PIK3CB: variants seen among roughly 807,000 people sequenced by gnomAD.
PIK3CB encodes phosphatidylinositol 4,5-bisphosphate 3-kinase catalytic subunit beta isoform.
PIK3CB carries 39 observed loss-of-function variants against 136.8 expected under a neutral mutation model. The ratio of observed to expected loss-of-function variants is 0.29; its 90% CI spans 0.22 to 0.37. The LOEUF is 0.37. Among genes scored for constraint, PIK3CB ranks in the 10% least tolerant of loss-of-function variants. The pLI is 1.00. For missense variants in PIK3CB, 868 were observed against 1,275.4 expected (o/e 0.68, Z 4.87); for synonymous variants, 428 against 436.6 (o/e 0.98, Z 0.25).
chr3:138,689,751 ATAGT>A (rs1200211931), intron 15 of PIK3CB, among the ~76,000 whole-genome samples: 2 of 152,240 alleles, frequency 1.3e-5, no homozygotes, highest in African/African-American at 4.8e-5. Flanking sequence ...ATGATATTCT[ATAGT>A]TAGTTAATAC....
At chr3:138,687,468 T>C (rs1393354555) in intron 16 of PIK3CB, among the ~76,000 whole-genome samples, 1 of 152,190 alleles carries the variant, frequency 6.6e-6, no homozygotes, top group Non-Finnish European at 1.5e-5. Context: ...TGTAATACAA[T>C]CTACTTCTTT....
chr3:138,796,003 C>T (rs1220115436), intron 2 of PIK3CB, among the ~76,000 whole-genome samples: 1 of 152,160 alleles, frequency 6.6e-6, no homozygotes, highest in Non-Finnish European at 1.5e-5. Flanking sequence ...CTGTAGGAAA[C>T]ATAATCCTCA....
intron 2 of PIK3CB, among the ~76,000 whole-genome samples, chr3:138,759,871 C>T (rs2045637729): frequency 6.6e-6 from 1 of 151,896 alleles, no homozygotes; most frequent in Non-Finnish European, 1.5e-5. Flanking sequence ...TCAAGAGGGC[C>T]CTCTCTCAAC....
intron 8 of PIK3CB, among the ~76,000 whole-genome samples, chr3:138,732,469 A>G (rs1459771448): frequency 1.2e-4 from 19 of 152,154 alleles, no homozygotes; most frequent in Non-Finnish European, 2.8e-4. Context: ...CAAGCAACAA[A>G]CATTTCAAAC....
At chr3:138,751,280 A>G (rs2045466763) in intron 4 of PIK3CB, among the ~76,000 whole-genome samples, 1 of 152,032 alleles carries the variant, frequency 6.6e-6, no homozygotes, top group Non-Finnish European at 1.5e-5. Flanking sequence ...AACACAGTGA[A>G]ACCCCATCTC....
At chr3:138,831,899 CAGAG>C (rs1044249364) in intron 1 of PIK3CB, among the ~76,000 whole-genome samples, 1 of 152,124 alleles carries the variant, frequency 6.6e-6, no homozygotes, top group Non-Finnish European at 1.5e-5. Flanking sequence ...AGCCTGGCGA[CAGAG>C]AGAGACTCCA....
intron 14 of PIK3CB, 98 bp from the exon 15 acceptor site, chr3:138,691,241 A>T: frequency 8.8e-7 from 1 of 1,134,618 alleles, no homozygotes. Flanking sequence ...TTGAAACACA[A>T]TGGTTCTTTT....
At chr3:138,834,645 C>G (rs1334192055) in intron 1 of PIK3CB, 50 bp downstream of exon 1, 1 of 153,854 alleles carries the variant, frequency 6.5e-6, no homozygotes, top group African/African-American at 2.4e-5. Context: ...GCGCCGCGAC[C>G]CAGCCGCCCC....
At chr3:138,818,465 T>G (rs773127277) in intron 1 of PIK3CB, among the ~76,000 whole-genome samples, 3 of 152,224 alleles carry the variant, frequency 2.0e-5, no homozygotes, top group Non-Finnish European at 2.9e-5. Context: ...TATATGCTCT[T>G]TAATGTCCAT....
intron 8 of PIK3CB, among the ~76,000 whole-genome samples, chr3:138,717,447 T>C (rs1187453178): frequency 2.0e-5 from 3 of 152,124 alleles, no homozygotes; most frequent in Admixed American, 1.3e-4. Flanking sequence ...TGTAAGACCC[T>C]ATATACAGAC....
At chr3:138,812,918 A>C (rs1483436608) in intron 1 of PIK3CB, among the ~76,000 whole-genome samples, 1 of 152,136 alleles carries the variant, frequency 6.6e-6, no homozygotes, top group East Asian at 1.9e-4. Context: ...TGAATGACCT[A>C]AATACACACT....
chr3:138,722,711 A>G (rs1345771212), intron 8 of PIK3CB, among the ~76,000 whole-genome samples: 1 of 151,882 alleles, frequency 6.6e-6, no homozygotes, highest in Non-Finnish European at 1.5e-5. Flanking sequence ...AAAAACCCAA[A>G]AAACCCTGAA....
At chr3:138,677,522 G>T (rs2043673295) in intron 19 of PIK3CB, among the ~76,000 whole-genome samples, 1 of 152,202 alleles carries the variant, frequency 6.6e-6, no homozygotes, top group Admixed American at 6.5e-5. Flanking sequence ...TTAAATATTA[G>T]TTAAAATATA....
rs1387834373 is a variant in PIK3CB at position 138,759,180 on chromosome 3, A to C, written c.164T>G (p.Ile55Ser). Residue 55 changes from isoleucine to serine, a missense_variant, in exon 3 of 24, where the codon ATT becomes AGT. Transcript: ENST00000674063. ...EVPREATISY[I>S]KQMLWKQVHN... ...TTATACCTATTAACATACCTGCTTA[A>C]TATAAGAAATGGTAGCTTCCCGAGG... The C allele has an allele frequency of 6.2e-7, 1 of 1,606,144 alleles. No homozygotes were observed. The highest frequency in any genetic ancestry group is 1.1e-5 in the South Asian group (1 of 90,400).
At chr3:138,726,634 T>C (rs562441415) in intron 8 of PIK3CB, among the ~76,000 whole-genome samples, 1 of 152,296 alleles carries the variant, frequency 6.6e-6, no homozygotes, top group African/African-American at 2.4e-5. Flanking sequence ...AGAAGACCCC[T>C]TTCCCACTAG....
At chr3:138,657,208 T>C (rs2043206523) in intron 22 of PIK3CB, 1 of 155,058 alleles carries the variant, frequency 6.4e-6, no homozygotes, top group Admixed American at 6.5e-5. Flanking sequence ...GATATGTCTC[T>C]AACCATCATA....
intron 2 of PIK3CB, 107 bp from the exon 3 acceptor site, chr3:138,759,466 C>A: frequency 1.5e-6 from 1 of 646,578 alleles, no homozygotes; most frequent in Non-Finnish European, 2.6e-6. Context: ...TTCAATATAG[C>A]CAATAATGTA....
chr3:138,822,265 G>A (rs1933590405), intron 1 of PIK3CB, among the ~76,000 whole-genome samples: 1 of 152,164 alleles, frequency 6.6e-6, no homozygotes, highest in Non-Finnish European at 1.5e-5. Context: ...CGGGTATGGT[G>A]GCTCACGCCT....
intron 15 of PIK3CB, among the ~76,000 whole-genome samples, chr3:138,689,240 G>T (rs922354110): frequency 6.6e-6 from 1 of 152,122 alleles, no homozygotes; most frequent in Non-Finnish European, 1.5e-5. Context: ...GCTAGATGTC[G>T]CTAGGTGACT....
Sources: allele counts gnomAD v4.1 joint callset (sites outside exome capture counted in the v4.1 genomes callset), GRCh38; gene constraint gnomAD v4.1.1; transcripts MANE v1.5; gene names NCBI Gene and HGNC (gene_info 2026-07-23, HGNC 2026-07-21).